The following GAB2 variants were observed in gnomAD, a reference collection of about 807,000 sequenced individuals.
The protein encoded by GAB2 is GRB2 associated binding protein 2.
GAB2 carries 26 observed loss-of-function variants against 65.5 expected under a neutral mutation model. The observed-to-expected ratio is 0.40, with a 90% confidence interval of 0.29 to 0.55. The LOEUF (loss-of-function observed/expected upper bound fraction) is 0.55, where lower values mean the gene tolerates loss of function less well. Among genes scored for constraint, GAB2 ranks in the 20% least tolerant of loss-of-function variants. GAB2 has a pLI of 0.53. For synonymous variants in GAB2, 321 were observed against 329.6 expected (o/e 0.97, Z 0.28); for missense variants, 884 against 875.8 (o/e 1.01, Z -0.12).
At chr11:78,415,846 G>A (rs1857188193) in intron 1 of GAB2, among the ~76,000 whole-genome samples, 1 of 152,034 alleles carries the variant, frequency 6.6e-6, no homozygotes, top group Non-Finnish European at 1.5e-5. Context: ...TAAGTCAAAT[G>A]TAGATACAGT....
intron 1 of GAB2, among the ~76,000 whole-genome samples, chr11:78,398,566 A>G (rs1337083666): frequency 6.6e-6 from 1 of 152,254 alleles, no homozygotes; most frequent in African/African-American, 2.4e-5. Context: ...TGTATGACTG[A>G]AATTTTTCAT....
chr11:78,255,610 G>A (rs927725622), intron 2 of GAB2, among the ~76,000 whole-genome samples: 1 of 152,150 alleles, frequency 6.6e-6, no homozygotes, highest in Non-Finnish European at 1.5e-5. Context: ...CCGGGGAGGT[G>A]CTACCTCACT....
chr11:78,389,549 C>T lies in GAB2; in HGVS notation c.75+28097G>A, dbSNP rs541197773. On this transcript the variant is annotated intron_variant, in intron 1 of 9. Coordinates refer to ENST00000361507, the MANE Select transcript of GAB2 (RefSeq NM_080491.3). ...TCTCGAACTCCCAACCTCAGGTGAT[C>T]CACCCACCTCGGCTTCCCAAAGTGC... Among the ~76,000 whole-genome samples, 179 of 152,292 alleles carry T rather than the reference C, an allele frequency of 1.2e-3. 1 individual carries two copies. Among genetic ancestry groups the T allele is most frequent in the African/African-American group, 4.1e-3 (169 of 41,556 alleles).
intron 1 of GAB2, among the ~76,000 whole-genome samples, chr11:78,291,294 CAAA>C (rs397848614): frequency 2.4e-4 from 25 of 103,822 alleles, no homozygotes; most frequent in Non-Finnish European, 3.6e-4. Flanking sequence ...ACTAAAACGA[CAAA>C]AAAAAAAAAA....
chr11:78,388,389 T>C (rs929062445), intron 1 of GAB2, among the ~76,000 whole-genome samples: 8 of 151,060 alleles, frequency 5.3e-5, no homozygotes, highest in African/African-American at 1.7e-4. Flanking sequence ...TGCAGTGGCA[T>C]GATCACACGT....
intron 1 of GAB2, chr11:78,342,002 C>G: frequency 2.8e-6 from 1 of 359,796 alleles, no homozygotes; most frequent in Non-Finnish European, 3.9e-6. Flanking sequence ...CTATGGACAA[C>G]AAACTGTGCC....
intron 1 of GAB2, among the ~76,000 whole-genome samples, chr11:78,337,605 C>T (rs1209178103): frequency 3.9e-5 from 6 of 152,184 alleles, no homozygotes; most frequent in Non-Finnish European, 8.8e-5. Flanking sequence ...TAAAAGTCTT[C>T]CCTCATAGAA....
At chr11:78,354,520 G>A (rs1367807587) in intron 1 of GAB2, among the ~76,000 whole-genome samples, 1 of 152,064 alleles carries the variant, frequency 6.6e-6, no homozygotes, top group African/African-American at 2.4e-5. Flanking sequence ...ATGGTGGCAT[G>A]AACGACAACA....
chr11:78,360,465 TA>T (rs977290040), intron 1 of GAB2, among the ~76,000 whole-genome samples: 1 of 151,712 alleles, frequency 6.6e-6, no homozygotes, highest in African/African-American at 2.4e-5. Context: ...AATATACTGC[TA>T]TACTTTAGGC....
chr11:78,233,778 TG>T (rs2134488089), intron 3 of GAB2, among the ~76,000 whole-genome samples: 1 of 152,292 alleles, frequency 6.6e-6, no homozygotes, highest in South Asian at 2.1e-4. Context: ...GTCTAATTTT[TG>T]TATTTTTAGC....
chr11:78,341,341 C>A (rs1364735824), intron 1 of GAB2, among the ~76,000 whole-genome samples: 1 of 151,990 alleles, frequency 6.6e-6, no homozygotes. Flanking sequence ...AGAATGACAA[C>A]GAGATATATT....
chr11:78,251,229 C>T (rs2134524902), intron 2 of GAB2, among the ~76,000 whole-genome samples: 1 of 152,192 alleles, frequency 6.6e-6, no homozygotes, highest in South Asian at 2.1e-4. Flanking sequence ...TGGACTGTGC[C>T]TTACTGCATT....
chr11:78,281,051 T>C, intron 1 of GAB2, 150 bp from the exon 2 acceptor site: 1 of 652,720 alleles, frequency 1.5e-6, no homozygotes, highest in South Asian at 1.9e-5. Context: ...ACTCCTGGGC[T>C]CAAGCGATCC....
chr11:78,219,372 A>G lies in GAB2; in HGVS notation c.1931T>C (p.Val644Ala). 10 of 1,613,864 alleles carry G rather than the reference A, an allele frequency of 6.2e-6. No individual in the cohort carries two copies. The highest frequency in any genetic ancestry group is 7.6e-6 in the Non-Finnish European group (9 of 1,179,864). ...SVTSDEKVDY[V>A]QVDKEKTQAL... Reference sequence around the variant, plus strand: ...CTGGGTCTTCTCCTTGTCCACCTGAACGTAGTCCACCTTCTCATCAGAGGT... The same window carrying G: ...CTGGGTCTTCTCCTTGTCCACCTGAGCGTAGTCCACCTTCTCATCAGAGGT... The change falls in exon 10 of 10, where the codon GTT becomes GCT. Residue 644 changes from valine (V) to alanine (A), a missense_variant. By Grantham distance (64) the Val-to-Ala change is moderately conservative. Transcript: ENST00000361507.
chr11:78,243,684 C>CA (rs201157622), intron 3 of GAB2, among the ~76,000 whole-genome samples: 8,745 of 144,766 alleles, frequency 0.06, 839 homozygotes, highest in African/African-American at 0.21. Context: ...ACTAAAAATA[C>CA]AAAAAAAAAA....
At chr11:78,269,012 T>G (rs992450711) in intron 2 of GAB2, among the ~76,000 whole-genome samples, 10 of 150,790 alleles carry the variant, frequency 6.6e-5, no homozygotes, top group Admixed American at 2.7e-4. Context: ...TATTTCAGGG[T>G]TATTTAAAAT....
At chr11:78,251,121 A>G (rs1326277250) in intron 2 of GAB2, among the ~76,000 whole-genome samples, 1 of 152,176 alleles carries the variant, frequency 6.6e-6, no homozygotes, top group African/African-American at 2.4e-5. Flanking sequence ...ATTTAAAAAA[A>G]AAATGAAATT....
chr11:78,355,964 G>C (rs942223314), intron 1 of GAB2, among the ~76,000 whole-genome samples: 1 of 152,048 alleles, frequency 6.6e-6, no homozygotes. Context: ...CTTGAGGTCA[G>C]GAGTTCAAGA....
chr11:78,328,226 T>C (rs1855858011), intron 1 of GAB2, among the ~76,000 whole-genome samples: 1 of 152,212 alleles, frequency 6.6e-6, no homozygotes, highest in Non-Finnish European at 1.5e-5. Flanking sequence ...ATAATCTCAA[T>C]GGGATGACAA....
Sources: gnomAD v4.1 joint callset for allele counts (sites outside exome capture counted in the v4.1 genomes callset) on GRCh38, gnomAD v4.1.1 for gene constraint, MANE v1.5 for transcripts, NCBI Gene and HGNC (gene_info 2026-07-23, HGNC 2026-07-21) for gene names.